Variants in POTEE observed in about 807,000 individuals in gnomAD.
The protein encoded by POTEE is ANKRD26-like family C member 1A.
POTEE carries 21 observed loss-of-function variants against 74.2 expected under a neutral mutation model. That is an observed-to-expected ratio of 0.28 (90% CI 0.20 to 0.41). The LOEUF is 0.41. POTEE is among the 10% of genes least tolerant of loss of function. POTEE has a pLI of 1.00. For missense variants in POTEE, 525 were observed against 1,158.6 expected, an observed-to-expected ratio of 0.45 and a Z score of 7.94; for synonymous variants, 211 against 432.8, an observed-to-expected ratio of 0.49 and a Z score of 6.36.
chr2:131,237,352 A>G (rs1157977645), intron 10 of POTEE, among the ~76,000 whole-genome samples: 1 of 152,090 alleles, frequency 6.6e-6, no homozygotes. Flanking sequence ...GGTTAAAAAT[A>G]TATTCTGCCT....
intron 9 of POTEE, among the ~76,000 whole-genome samples, chr2:131,235,916 A>G (rs1407818773): frequency 6.6e-6 from 1 of 152,070 alleles, no homozygotes; most frequent in Non-Finnish European, 1.5e-5. Context: ...AATTTTTGAA[A>G]TCATTTGTAA....
intron 8 of POTEE, among the ~76,000 whole-genome samples, chr2:131,228,989 G>C (rs1290652977): frequency 6.7e-6 from 1 of 148,702 alleles, no homozygotes; most frequent in Non-Finnish European, 1.5e-5. Flanking sequence ...CAGTGACTTT[G>C]ATGTTTTTTA....
intron 8 of POTEE, among the ~76,000 whole-genome samples, chr2:131,229,949 T>C (rs984917099): frequency 3.3e-5 from 5 of 151,456 alleles, no homozygotes; most frequent in African/African-American, 1.2e-4. Context: ...CTGTGGAAAC[T>C]AAAAAAAAAT....
chr2:131,225,125 G>A (rs1700740355), intron 6 of POTEE, among the ~76,000 whole-genome samples: 2 of 152,292 alleles, frequency 1.3e-5, no homozygotes, highest in South Asian at 4.1e-4. Context: ...TGTTGCACTA[G>A]CTTTCAGCTA....
At chr2:131,218,047 T>A in intron 3 of POTEE, 1 of 353,550 alleles carries the variant, frequency 2.8e-6, no homozygotes, top group Non-Finnish European at 5.3e-6. Flanking sequence ...TGGATTGACG[T>A]TTTCTCTCTC....
chr2:131,232,066 ATATAACTATCAAATGT>A (rs1196518360), intron 9 of POTEE, among the ~76,000 whole-genome samples: 6 of 151,330 alleles, frequency 4.0e-5, no homozygotes, highest in African/African-American at 1.5e-4. Context: ...TCCACTTAAC[ATATAACTATCAAATGT>A]CTTTTAGATA....
chr2:131,226,939 T>C lies in POTEE; in HGVS notation c.917+10T>C, dbSNP rs1391650535. The C allele has an allele frequency of 1.2e-6, 2 of 1,603,192 alleles. No homozygotes were observed. The highest frequency in any genetic ancestry group is 8.5e-7 in the Non-Finnish European group (1 of 1,178,946). The stretch of plus-strand genomic sequence containing the variant: ...TGGATAGATATGGAAGGTATAGTTC[T>C]TTCTTTTAATCTGTGTGTTCTAGAT... On this transcript the variant is annotated intron_variant, in intron 7 of 17. Transcript: ENST00000683005.
At chr2:131,219,369 T>C (rs1032625262) in intron 4 of POTEE, among the ~76,000 whole-genome samples, 2 of 151,362 alleles carry the variant, frequency 1.3e-5, no homozygotes, top group African/African-American at 4.9e-5. Flanking sequence ...ATATGTTCTT[T>C]ACTGAGGAAC....
At chr2:131,253,140 TGCCAAACTAA>T in intron 16 of POTEE, 41 bp downstream of exon 16, 1 of 1,314,634 alleles carries the variant, frequency 7.6e-7, no homozygotes, top group Admixed American at 2.2e-5. Flanking sequence ...AACTTTGTGC[TGCCAAACTAA>T]TCCTAATTTG....
At position 131,263,091 on chromosome 2, in the gene POTEE, G is replaced by T. The variant is rs1018624774; in HGVS notation, c.1900-264G>T. On this transcript the variant is annotated intron_variant, in intron 17 of 17. Transcript: ENST00000683005. ...ATCCTCTAGTGATTTATTTTTCATC[G>T]TCTTTAAATAAATATTTAAACTTTT... 4.1e-5 allele frequency among the ~76,000 whole-genome samples: 6 copies of T among 146,660 alleles called. No homozygotes were observed. In the East Asian group the frequency reaches 6.1e-4, roughly 15 times the overall value.
At chr2:131,220,484 G>A (rs1394824012) in intron 4 of POTEE, among the ~76,000 whole-genome samples, 2 of 150,956 alleles carry the variant, frequency 1.3e-5, no homozygotes, top group Non-Finnish European at 2.9e-5. Context: ...GGTTACAGGC[G>A]TGAGCCACTG....
chr2:131,227,205 T>A (rs1294598381), intron 7 of POTEE, among the ~76,000 whole-genome samples: 1 of 148,616 alleles, frequency 6.7e-6, no homozygotes, highest in South Asian at 2.1e-4. Flanking sequence ...ATATTAATTT[T>A]ATGAAGTTTG....
rs751796079 is a variant in POTEE, at chr2:131,264,030, G to A, written c.2575G>A (p.Val859Ile). Residue 859 changes from valine to isoleucine, a missense_variant, in exon 18 of 18, where the codon GTC (valine) becomes ATC (isoleucine). Coordinates refer to ENST00000683005, the MANE Select transcript of POTEE (RefSeq NM_001083538.3). ...CATCGTGATGGACTCTGGTGACGGG[G>A]TCACCCACACTGTGCCCATCTATGA... Reference protein sequence around the residue: ...TGIVMDSGDGVTHTVPIYEGN... With the variant: ...TGIVMDSGDGITHTVPIYEGN... The A allele has an allele frequency of 6.2e-7, 1 of 1,614,090 alleles. No homozygotes were observed. Among genetic ancestry groups the A allele is most frequent in the African/African-American group, 1.3e-5 (1 of 74,948 alleles).
intron 2 of POTEE, among the ~76,000 whole-genome samples, chr2:131,213,534 T>A (rs1166910491): frequency 6.6e-6 from 1 of 151,798 alleles, no homozygotes; most frequent in Admixed American, 6.6e-5. Flanking sequence ...TACCACTAGA[T>A]AGGTTATATT....
In POTEE at chr2:131,264,374, C is replaced by A; in HGVS notation, c.2919C>A (p.Gly973=). 6.2e-7 allele frequency: 1 copy of A among 1,610,546 alleles called. No homozygotes were observed. The highest frequency in any genetic ancestry group is 8.5e-7 in the Non-Finnish European group (1 of 1,179,026). ...GCTTCCTGGGCATGGAATCCTGTGG[C>A]ATCCATGAAACTACCTTCAACTCCA... ...QPCFLGMESC[G]IHETTFNSIM... Residue 973 remains glycine (G), a synonymous_variant, in exon 18 of 18, where the codon GGC becomes GGA. Coordinates refer to ENST00000683005, the MANE Select transcript of POTEE (RefSeq NM_001083538.3).
intron 4 of POTEE, among the ~76,000 whole-genome samples, chr2:131,221,933 A>G (rs1371442005): frequency 1.3e-5 from 2 of 152,244 alleles, no homozygotes; most frequent in Non-Finnish European, 2.9e-5. Flanking sequence ...CCAGACACCT[A>G]TTATGTGGCA....
At chr2:131,218,234 G>T in intron 3 of POTEE, 76 bp from the exon 4 acceptor site, 2 of 1,162,652 alleles carry the variant, frequency 1.7e-6, no homozygotes, top group Non-Finnish European at 1.2e-6. Flanking sequence ...GTTTTCCCTG[G>T]GTGGGGTGGG....
intron 1 of POTEE, among the ~76,000 whole-genome samples, chr2:131,210,692 G>T: frequency 6.7e-6 from 1 of 150,168 alleles, no homozygotes; most frequent in Non-Finnish European, 1.5e-5. Context: ...CATCGCGGGG[G>T]ACTGTGGGAA....
chr2:131,210,085 T>C (rs1437631052), intron 1 of POTEE, among the ~76,000 whole-genome samples: 2 of 144,054 alleles, frequency 1.4e-5, no homozygotes, highest in African/African-American at 5.3e-5. Context: ...GGCACTATTT[T>C]CTGCTGCACT....
Sources: allele counts gnomAD v4.1 joint callset (sites outside exome capture counted in the v4.1 genomes callset), GRCh38; gene constraint gnomAD v4.1.1; transcripts MANE v1.5; gene names NCBI Gene and HGNC (gene_info 2026-07-23, HGNC 2026-07-21).